STON2: variants seen among roughly 807,000 people sequenced by gnomAD.
The protein encoded by STON2 is stonin 2.
STON2 carries 29 observed loss-of-function variants against 65.7 expected under a neutral mutation model. That is an observed-to-expected ratio of 0.44 (90% CI 0.33 to 0.60). STON2 has a LOEUF of 0.60. Among genes scored for constraint, STON2 ranks in the 20% least tolerant of loss-of-function variants. The probability of loss-of-function intolerance (pLI) is 0.03; values close to 1 mark genes in which losing one functional copy is unlikely to be tolerated. For synonymous variants in STON2, 404 were observed against 414.2 expected, an observed-to-expected ratio of 0.98 and a Z score of 0.30; for missense variants, 1,054 against 1,118.1, an observed-to-expected ratio of 0.94 and a Z score of 0.82.
At chr14:81,326,525 C>G (rs767650237) in intron 4 of STON2, among the ~76,000 whole-genome samples, 18 of 152,068 alleles carry the variant, frequency 1.2e-4, no homozygotes, top group Non-Finnish European at 2.2e-4. Context: ...ACATTTGAAA[C>G]CTGCATTACA....
At chr14:81,351,444 A>G (rs1195786148) in intron 4 of STON2, among the ~76,000 whole-genome samples, 2 of 152,214 alleles carry the variant, frequency 1.3e-5, no homozygotes, top group Non-Finnish European at 1.5e-5. Context: ...AAAACTCCCT[A>G]GAGAACCTGC....
At chr14:81,387,095 G>A (rs1304007017) in intron 3 of STON2, among the ~76,000 whole-genome samples, 1 of 151,458 alleles carries the variant, frequency 6.6e-6, no homozygotes, top group Non-Finnish European at 1.5e-5. Flanking sequence ...ATGGGTTTAG[G>A]TTCATTTTCA....
Position 81,278,024 on chromosome 14 carries a change from T to C in STON2, c.1458A>G (p.Pro486=), listed in dbSNP as rs764105814. The change falls in exon 6 of 8, where the codon CCA becomes CCG. Residue 486 remains proline, a synonymous_variant. Coordinates refer to ENST00000614646, the MANE Select transcript of STON2 (RefSeq NM_001394390.1). ...TCTTCTCAGGGATCCTCAACATCAT[T>C]GGCCACCCGTCACGAGGCTGGGACC... The part of the protein sequence containing the change: ...SARSQPRDGW[P]MMLRIPEKKN... The C allele has an allele frequency of 6.8e-6, 11 of 1,614,182 alleles. No homozygotes were observed. The highest frequency in any genetic ancestry group is 9.3e-6 in the Non-Finnish European group (11 of 1,180,042).
intron 4 of STON2, among the ~76,000 whole-genome samples, chr14:81,335,983 A>G (rs1235552758): frequency 2.0e-5 from 3 of 152,042 alleles, no homozygotes; most frequent in Non-Finnish European, 4.4e-5. Flanking sequence ...CACAAAGGTT[A>G]TGAGTGTCTG....
rs531951683 is a variant in STON2 at position 81,406,948 on chromosome 14, A to G, written c.-198-8368T>C. 4.6e-5 allele frequency among the ~76,000 whole-genome samples: 7 copies of G among 152,176 alleles called. No homozygotes were observed. The South Asian group carries it at 1.5e-3, about 32-fold the overall frequency. ...TGTCCTGCAGATTCCAGCTGCTTCA[A>G]TTGCCCCAAACTCTGATCTCTGTTT... On this transcript the variant is annotated intron_variant, in intron 2 of 8. Transcript: ENST00000553821.
chr14:81,386,054 G>A (rs962994531), intron 3 of STON2, among the ~76,000 whole-genome samples: 1 of 152,182 alleles, frequency 6.6e-6, no homozygotes, highest in Non-Finnish European at 1.5e-5. Flanking sequence ...CGGCGAGAGA[G>A]GCAGTGCAAT....
intron 4 of STON2, among the ~76,000 whole-genome samples, chr14:81,349,847 A>G (rs908973974): frequency 6.6e-6 from 1 of 152,194 alleles, no homozygotes; most frequent in African/African-American, 2.4e-5. Flanking sequence ...CAATGGATGA[A>G]CAGATAAAGG....
intron 3 of STON2, among the ~76,000 whole-genome samples, chr14:81,376,037 T>C (rs1276209606): frequency 6.6e-6 from 1 of 151,866 alleles, no homozygotes; most frequent in African/African-American, 2.4e-5. Context: ...ATGAAAATAC[T>C]ATATGTGAAA....
intron 2 of STON2, among the ~76,000 whole-genome samples, chr14:81,408,074 T>A (rs1423990499): frequency 6.6e-6 from 1 of 151,770 alleles, no homozygotes; most frequent in Non-Finnish European, 1.5e-5. Flanking sequence ...CTCTTCCACA[T>A]TCTTTTCCTT....
intron 4 of STON2, among the ~76,000 whole-genome samples, chr14:81,327,167 T>C (rs768166973): frequency 4.3e-4 from 66 of 152,184 alleles, no homozygotes; most frequent in Non-Finnish European, 7.1e-4. Flanking sequence ...CAAAATAAAA[T>C]AAAATGTGAA....
At chr14:81,309,706 T>C (rs1595333960) in intron 5 of STON2, among the ~76,000 whole-genome samples, 2 of 152,272 alleles carry the variant, frequency 1.3e-5, no homozygotes, top group Admixed American at 6.5e-5. Context: ...GGAGGAGCTA[T>C]CCTAAAGAGG....
At chr14:81,400,391 C>A (rs752982999), upstream of STON2, among the ~76,000 whole-genome samples, 9 of 147,866 alleles carry the variant, frequency 6.1e-5, no homozygotes, top group Non-Finnish European at 1.0e-4. Context: ...GTAATGGCTG[C>A]GGGCCAAGAT....
chr14:81,278,660 A>G lies in STON2; in HGVS notation c.822T>C (p.Asn274=). The G allele has an allele frequency of 6.4e-7, 1 of 1,551,164 alleles. No homozygotes were observed. The highest frequency in any genetic ancestry group is 1.4e-5 in the African/African-American group (1 of 73,188). ...ISWQASSPAM[N]GHPAPPVTSA... is the part of the protein sequence containing the mutation. ...AGGTCACTGGAGGGGCAGGGTGCCC[A>G]TTCATGGCTGGACTGCTGGCCTGCC... Residue 274 remains asparagine, a synonymous_variant, in exon 6 of 8, where the codon AAT becomes AAC. Coordinates refer to ENST00000614646, the MANE Select transcript of STON2 (RefSeq NM_001394390.1).
chr14:81,433,912 C>G (rs1296824665), intron 1 of STON2, among the ~76,000 whole-genome samples: 1 of 152,138 alleles, frequency 6.6e-6, no homozygotes, highest in African/African-American at 2.4e-5. Context: ...TCCTTTTGAT[C>G]ACTTCTCTCA....
chr14:81,358,915 A>T (rs1898371565), intron 4 of STON2, among the ~76,000 whole-genome samples: 1 of 152,236 alleles, frequency 6.6e-6, no homozygotes, highest in Non-Finnish European at 1.5e-5. Flanking sequence ...ATTGAAGGGA[A>T]AGACATATTG....
Position 81,277,190 on chromosome 14 carries a change from C to T in STON2, c.2292G>A (p.Leu764=). The T allele has an allele frequency of 6.2e-7, 1 of 1,614,236 alleles. No individual in the cohort carries two copies. Among genetic ancestry groups the T allele is most frequent in the South Asian group, 1.1e-5 (1 of 91,086 alleles). Residue 764 remains leucine (L), a synonymous_variant, in exon 6 of 8, where the codon CTG becomes CTA. Coordinates refer to ENST00000614646, the MANE Select transcript of STON2 (RefSeq NM_001394390.1). ...NGAEVEVQSW[L]RMSTGFSANR... is the part of the protein sequence containing the mutation. The stretch of plus-strand genomic sequence containing the variant: ...TGGCGGAGAAGCCAGTTGACATCCT[C>T]AGCCAGCTCTGCACCTCCACCTCTG...
chr14:81,342,541 G>A (rs530972298), intron 4 of STON2, among the ~76,000 whole-genome samples: 9 of 152,222 alleles, frequency 5.9e-5, no homozygotes, highest in Admixed American at 2.0e-4. Flanking sequence ...CCCTTTCCCC[G>A]TTCACTGCAC....
chr14:81,365,214 C>T (rs1364026577), intron 4 of STON2, among the ~76,000 whole-genome samples: 2 of 152,178 alleles, frequency 1.3e-5, no homozygotes, highest in African/African-American at 4.8e-5. Context: ...ATGTAAGCCA[C>T]CAGGAAAGGC....
At chr14:81,407,924 A>G (rs1900948559) in intron 2 of STON2, among the ~76,000 whole-genome samples, 1 of 152,234 alleles carries the variant, frequency 6.6e-6, no homozygotes, top group Non-Finnish European at 1.5e-5. Flanking sequence ...CAGGAGCCAT[A>G]GAAGCTGAAT....
Sources: gnomAD v4.1 joint callset for allele counts (sites outside exome capture counted in the v4.1 genomes callset) on GRCh38, gnomAD v4.1.1 for gene constraint, MANE v1.5 for transcripts, NCBI Gene and HGNC (gene_info 2026-07-23, HGNC 2026-07-21) for gene names.